Variants in DACH2 observed in about 807,000 individuals in gnomAD.
DACH2 encodes the protein dachshund family transcription factor 2, also known as dachshund homolog 2.
Under a neutral mutation model 35.8 loss-of-function variants are expected in DACH2, and 17 were observed. That is an observed-to-expected ratio of 0.48 (90% CI 0.33 to 0.71). The LOEUF is 0.71. DACH2 is among the 30% of genes least tolerant of loss of function. DACH2 has a pLI of 0.02. For missense variants in DACH2, 469 were observed against 472.7 expected, an observed-to-expected ratio of 0.99 and a Z score of 0.07; for synonymous variants, 195 against 177.3, an observed-to-expected ratio of 1.10 and a Z score of -0.79.
At position 86,594,614 on chromosome X, in the gene DACH2, A is replaced by G. The variant is rs182200253; in HGVS notation, c.641-56422A>G. 2.2e-3 allele frequency among the ~76,000 whole-genome samples: 245 copies of G among 110,963 alleles called. 2 individuals are homozygous for G. Among genetic ancestry groups the G allele is most frequent in the African/African-American group, 7.8e-3 (238 of 30,578 alleles). The stretch of plus-strand genomic sequence containing the variant: ...TAGAAATGTGCTGTTTAATCTCTAC[A>G]TATTGGGGTTTTCCAGGTATTTTTT... On this transcript the variant is annotated intron_variant, in intron 3 of 11. Transcript: ENST00000373125.
chrX:86,540,419 A>G (rs1388125625), intron 3 of DACH2, among the ~76,000 whole-genome samples: 1 of 112,356 alleles, frequency 8.9e-6, no homozygotes, highest in African/African-American at 3.2e-5. Flanking sequence ...AATATGCATC[A>G]CATCTCACAT....
intron 1 of DACH2, among the ~76,000 whole-genome samples, chrX:86,343,732 A>G (rs945611912): frequency 8.9e-6 from 1 of 111,878 alleles, no homozygotes; most frequent in Non-Finnish European, 1.9e-5. Context: ...AGGATTAGCA[A>G]TTAAAAATGT....
chrX:86,669,193 A>G (rs7882392), intron 4 of DACH2, among the ~76,000 whole-genome samples: 25,200 of 109,470 alleles, frequency 0.23, 2,451 homozygotes, highest in Admixed American at 0.45. Flanking sequence ...AAAAGAAATT[A>G]TATGCATTAA....
At chrX:86,293,321 C>T (rs2148002085) in intron 1 of DACH2, among the ~76,000 whole-genome samples, 1 of 110,215 alleles carries the variant, frequency 9.1e-6, no homozygotes, top group South Asian at 4.0e-4. Context: ...CTATGTGTCT[C>T]TCTGCACGTG....
At chrX:86,662,587 C>T (rs1167383816) in intron 4 of DACH2, among the ~76,000 whole-genome samples, 2 of 106,795 alleles carry the variant, frequency 1.9e-5, no homozygotes, top group South Asian at 4.1e-4. Context: ...AGCGAGACTC[C>T]GTCTCAAAAA....
intron 1 of DACH2, among the ~76,000 whole-genome samples, chrX:86,309,602 G>A (rs1194162360): frequency 2.7e-5 from 3 of 111,733 alleles, no homozygotes; most frequent in African/African-American, 9.8e-5. Flanking sequence ...AAACACATTG[G>A]AGACACTTGC....
chrX:86,555,910 G>T (rs2039112266), intron 3 of DACH2, among the ~76,000 whole-genome samples: 2 of 110,954 alleles, frequency 1.8e-5, no homozygotes, highest in African/African-American at 6.5e-5. Context: ...AGCCCATCAT[G>T]GTTACTCAGT....
At chrX:86,427,295 T>A (rs1406259370) in intron 2 of DACH2, among the ~76,000 whole-genome samples, 2 of 111,258 alleles carry the variant, frequency 1.8e-5, no homozygotes, top group African/African-American at 6.5e-5. Flanking sequence ...TTTCCAGAAG[T>A]AATGCTGGAA....
At chrX:86,219,430 T>G (rs1250431632) in intron 1 of DACH2, among the ~76,000 whole-genome samples, 1 of 111,343 alleles carries the variant, frequency 9.0e-6, no homozygotes, top group East Asian at 2.8e-4. Context: ...CAGTACCCAA[T>G]AGTTATCTTT....
intron 2 of DACH2, among the ~76,000 whole-genome samples, chrX:86,477,456 G>A (rs1189271086): frequency 4.8e-5 from 5 of 103,868 alleles, no homozygotes; most frequent in Non-Finnish European, 9.8e-5. Flanking sequence ...TCTTGAAATC[G>A]ATTTAGTCTG....
intron 2 of DACH2, among the ~76,000 whole-genome samples, chrX:86,511,709 T>C (rs1455724007): frequency 8.9e-6 from 1 of 111,762 alleles, no homozygotes; most frequent in African/African-American, 3.3e-5. Context: ...GTTTACTAGA[T>C]GACTGAATAA....
intron 3 of DACH2, among the ~76,000 whole-genome samples, chrX:86,622,493 A>G (rs991472909): frequency 6.3e-5 from 7 of 111,501 alleles, no homozygotes; most frequent in Non-Finnish European, 5.7e-5. Context: ...AAATGGGACA[A>G]TCATTTTTGT....
intron 2 of DACH2, among the ~76,000 whole-genome samples, chrX:86,388,527 A>G (rs2036154593): frequency 9.0e-6 from 1 of 111,591 alleles, no homozygotes; most frequent in Non-Finnish European, 1.9e-5. Context: ...CAGAGAATCA[A>G]CTGGAGCATG....
At chrX:86,166,587 C>T (rs1211959766) in intron 1 of DACH2, among the ~76,000 whole-genome samples, 1 of 111,083 alleles carries the variant, frequency 9.0e-6, no homozygotes, top group Non-Finnish European at 1.9e-5. Flanking sequence ...CTAGCTAGGC[C>T]TTCCAGTACT....
At chrX:86,158,860 A>G (rs1008779276) in intron 1 of DACH2, among the ~76,000 whole-genome samples, 1 of 87,501 alleles carries the variant, frequency 1.1e-5, no homozygotes, top group Non-Finnish European at 2.2e-5. Flanking sequence ...TTATACCAGA[A>G]AAGTCCAACT....
chrX:86,325,665 T>A (rs1330224605), intron 1 of DACH2, among the ~76,000 whole-genome samples: 1 of 112,637 alleles, frequency 8.9e-6, no homozygotes, highest in Non-Finnish European at 1.9e-5. Context: ...CTCATCACTG[T>A]TGCATAATTT....
intron 7 of DACH2, among the ~76,000 whole-genome samples, chrX:86,776,335 A>T (rs1288076474): frequency 9.0e-6 from 1 of 111,507 alleles, no homozygotes; most frequent in Non-Finnish European, 1.9e-5. Flanking sequence ...CTCACTTGTA[A>T]GTGCACCAAT....
chrX:86,553,457 G>A (rs772760614), intron 3 of DACH2, among the ~76,000 whole-genome samples: 7 of 111,363 alleles, frequency 6.3e-5, no homozygotes, highest in East Asian at 2.9e-4. Context: ...TGGCAACATC[G>A]TCACAGACAC....
Position 86,415,265 on chromosome X carries a change from A to G in DACH2, c.527+38403A>G, listed in dbSNP as rs187380904. Among the ~76,000 whole-genome samples the G allele has an allele frequency of 2.6e-4, 29 of 111,939 alleles. No individual in the cohort carries two copies. The East Asian group carries it at 3.4e-3, about 13-fold the overall frequency. ...TTTCTTTCTTTCTTTTCAACGTAGG[A>G]CTAATTTCTGTAGAAATTTTTAGAA... On this transcript the variant is annotated intron_variant, in intron 2 of 11. Coordinates refer to ENST00000373125, the MANE Select transcript of DACH2 (RefSeq NM_053281.3).
Sources: gnomAD v4.1 joint callset for allele counts (sites outside exome capture counted in the v4.1 genomes callset) on GRCh38, gnomAD v4.1.1 for gene constraint, MANE v1.5 for transcripts, NCBI Gene and HGNC (gene_info 2026-07-23, HGNC 2026-07-21) for gene names.